The following KIF13B variants were observed in gnomAD, a reference collection of about 807,000 sequenced individuals.
KIF13B encodes the protein kinesin family member 13B, also known as kinesin-like protein KIF13B.
KIF13B carries 127 observed loss-of-function variants against 222.0 expected under a neutral mutation model. That is an observed-to-expected ratio of 0.57 (90% CI 0.50 to 0.66). The LOEUF (loss-of-function observed/expected upper bound fraction) is 0.66, where lower values mean the gene tolerates loss of function less well. Among genes scored for constraint, KIF13B ranks in the 30% least tolerant of loss-of-function variants. KIF13B has a pLI of 0.00. For synonymous variants in KIF13B, 976 were observed against 919.0 expected, an observed-to-expected ratio of 1.06 and a Z score of -1.12; for missense variants, 2,173 against 2,379.0, an observed-to-expected ratio of 0.91 and a Z score of 1.80.
intron 2 of KIF13B, among the ~76,000 whole-genome samples, chr8:29,212,029 A>G (rs1814250372): frequency 6.6e-6 from 1 of 152,178 alleles, no homozygotes; most frequent in African/African-American, 2.4e-5. Context: ...GCATGTTATC[A>G]GTACTTTATT....
chr8:29,184,093 G>GC (rs1245372364), intron 6 of KIF13B, among the ~76,000 whole-genome samples: 4 of 151,632 alleles, frequency 2.6e-5, no homozygotes, highest in Non-Finnish European at 4.4e-5. Context: ...TTTACTTCTC[G>GC]CCCAGGATAT....
At chr8:29,095,972 TTTG>T (rs899458446) in intron 36 of KIF13B, among the ~76,000 whole-genome samples, 2 of 119,542 alleles carry the variant, frequency 1.7e-5, no homozygotes, top group Admixed American at 1.1e-4. Context: ...AGTGTTTTTT[TTTG>T]TTTGTTTTTT....
chr8:29,120,166 G>GTT (rs57731633), intron 29 of KIF13B, among the ~76,000 whole-genome samples: 27 of 102,186 alleles, frequency 2.6e-4, no homozygotes, highest in East Asian at 8.4e-4. Flanking sequence ...AAAAATGACA[G>GTT]TTTTTTTTTT....
chr8:29,217,335 T>A (rs1272207824), intron 2 of KIF13B, among the ~76,000 whole-genome samples: 1 of 152,232 alleles, frequency 6.6e-6, no homozygotes, highest in Non-Finnish European at 1.5e-5. Context: ...GAAAACACAG[T>A]GGCGAAGACT....
intron 6 of KIF13B, among the ~76,000 whole-genome samples, chr8:29,182,590 GTT>G (rs59693794): frequency 7.7e-4 from 112 of 144,880 alleles, no homozygotes; most frequent in African/African-American, 2.7e-3. Context: ...TATTCATTAA[GTT>G]TTTTTTTTTT....
chr8:29,124,653 G>A (rs1415751099), intron 26 of KIF13B, among the ~76,000 whole-genome samples: 1 of 152,090 alleles, frequency 6.6e-6, no homozygotes, highest in Admixed American at 6.5e-5. Flanking sequence ...GGAGGTCAAG[G>A]CAGGCAGATA....
At chr8:29,228,383 C>G (rs964616318) in intron 2 of KIF13B, among the ~76,000 whole-genome samples, 2 of 150,490 alleles carry the variant, frequency 1.3e-5, no homozygotes, top group African/African-American at 4.9e-5. Flanking sequence ...AAGAGAATAG[C>G]GTGAACCCAG....
intron 3 of KIF13B, among the ~76,000 whole-genome samples, chr8:29,195,114 G>A (rs962611668): frequency 6.6e-6 from 1 of 152,086 alleles, no homozygotes; most frequent in Non-Finnish European, 1.5e-5. Context: ...TTGGTGTGGT[G>A]GTGGGTGCCT....
chr8:29,199,430 T>G (rs1389785134), intron 2 of KIF13B, among the ~76,000 whole-genome samples: 1 of 152,174 alleles, frequency 6.6e-6, no homozygotes, highest in Admixed American at 6.5e-5. Flanking sequence ...ATACTTCAGG[T>G]TGTGATGTGA....
rs777201522 is a variant in KIF13B, at chr8:29,181,910, T to A, written c.585+9A>T. ...AAATTTAAATAGTTCACATACAGGA[T>A]GTTGTTACCTTGTAGCTTGTGACAG... On this transcript the variant is annotated intron_variant, in intron 7 of 39. Coordinates refer to ENST00000524189, the MANE Select transcript of KIF13B (RefSeq NM_015254.4). 7 of 1,602,344 alleles carry A rather than the reference T, an allele frequency of 4.4e-6. No homozygotes were observed. The South Asian group carries it at 6.6e-5, about 15-fold the overall frequency.
chr8:29,170,803 C>T (rs767643898), intron 10 of KIF13B, among the ~76,000 whole-genome samples: 2 of 152,176 alleles, frequency 1.3e-5, no homozygotes, highest in Non-Finnish European at 2.9e-5. Flanking sequence ...TGTGGCTGGG[C>T]GCAGCGGCTC....
chr8:29,127,157 G>C lies in KIF13B; in HGVS notation c.3187C>G (p.Pro1063Ala). The C allele has an allele frequency of 6.2e-7, 1 of 1,613,952 alleles. No individual in the cohort carries two copies. Among genetic ancestry groups the C allele is most frequent in the Non-Finnish European group, 8.5e-7 (1 of 1,179,864 alleles). ...TCATGTGTTCTGGGGGCTCTGAGCG[G>C]TCTAACTTTGACACATCCAATGCCA... Reference protein sequence around the residue: ...SVGIGCVKVRPLRAPRTHETF... With the variant: ...SVGIGCVKVRALRAPRTHETF... Residue 1063 changes from proline to alanine, a missense_variant, in exon 25 of 40, where the codon CCG (proline) becomes GCG (alanine). By Grantham distance (27) the Pro-to-Ala change is conservative. Around this residue, in one of 2 missense-constraint regions of KIF13B, gnomAD observed 1,480 missense variants for 1,722.8 expected, o/e 0.86. Coordinates refer to ENST00000524189, the MANE Select transcript of KIF13B (RefSeq NM_015254.4).
rs571920992 is a variant in KIF13B at position 29,179,117 on chromosome 8, A to C, written c.720+987T>G. Among the ~76,000 whole-genome samples the C allele has an allele frequency of 2.2e-5, 3 of 134,304 alleles. No individual in the cohort carries two copies. In the South Asian group the frequency reaches 7.9e-4, roughly 35 times the overall value. 88.1% of individuals were successfully genotyped at this position (134,304 alleles called of 152,430 possible). ...CAACACTGCAAAAGAACCTCTGCTA[A>C]ATCAGCTAGAATTTTTTTTTTTTTG... On this transcript the variant is annotated intron_variant, in intron 8 of 39. Transcript: ENST00000524189.
chr8:29,209,874 C>A (rs1586929520), intron 2 of KIF13B, among the ~76,000 whole-genome samples: 1 of 130,564 alleles, frequency 7.7e-6, no homozygotes, highest in Non-Finnish European at 1.6e-5. Context: ...CAGTGAGACC[C>A]TACCTCTCCA....
At chr8:29,099,317 G>C (rs988443635) in intron 35 of KIF13B, 76 bp from the exon 36 acceptor site, 2 of 943,654 alleles carry the variant, frequency 2.1e-6, no homozygotes, top group Non-Finnish European at 3.3e-6. Flanking sequence ...AGATACTCAA[G>C]AAAAAAAACT....
At position 29,195,505 on chromosome 8, in the gene KIF13B, C is replaced by T. The variant is rs78925825; in HGVS notation, c.162+682G>A. Among the ~76,000 whole-genome samples, 427 of 152,200 alleles carry T rather than the reference C, an allele frequency of 2.8e-3. 7 individuals are homozygous for T. In the East Asian group the frequency reaches 0.03, roughly 11 times the overall value. The stretch of plus-strand genomic sequence containing the variant: ...ATACACATTTTAGCAATAATAATAG[C>T]GAACTGAATTACAATTCAGCCACGG... On this transcript the variant is annotated intron_variant, in intron 3 of 39. Coordinates refer to ENST00000524189, the MANE Select transcript of KIF13B (RefSeq NM_015254.4).
chr8:29,204,962 A>G (rs1813863698), intron 2 of KIF13B, among the ~76,000 whole-genome samples: 1 of 152,142 alleles, frequency 6.6e-6, no homozygotes, highest in Admixed American at 6.5e-5. Flanking sequence ...TATGAAATTA[A>G]CTAATTTCCC....
chr8:29,151,198 G>A (rs1251370314), intron 14 of KIF13B, among the ~76,000 whole-genome samples: 1 of 152,192 alleles, frequency 6.6e-6, no homozygotes, highest in Non-Finnish European at 1.5e-5. Context: ...CTAACCCAGA[G>A]CAAGGTCCTA....
At chr8:29,205,948 G>C (rs1020585377) in intron 2 of KIF13B, among the ~76,000 whole-genome samples, 1 of 151,538 alleles carries the variant, frequency 6.6e-6, no homozygotes, top group Non-Finnish European at 1.5e-5. Flanking sequence ...AAACTCAGTA[G>C]GGAATAGTGG....
Sources: allele counts gnomAD v4.1 joint callset (sites outside exome capture counted in the v4.1 genomes callset), GRCh38; gene constraint gnomAD v4.1.1; regional missense constraint gnomAD v4.1.1; transcripts MANE v1.5; gene names NCBI Gene and HGNC (gene_info 2026-07-23, HGNC 2026-07-21).